Variants in SORCS2 observed in about 807,000 individuals in gnomAD.
The protein encoded by SORCS2 is VPS10 domain-containing receptor SorCS2.
SORCS2 carries 100 observed loss-of-function variants against 141.6 expected under a neutral mutation model. The observed-to-expected ratio is 0.71, with a 90% CI of 0.60 to 0.83. The LOEUF is 0.83. Ranked by LOEUF, SORCS2 falls within the 40% of genes least tolerant of loss-of-function variation. SORCS2 has a pLI of 0.00. For synonymous variants in SORCS2, 789 were observed against 676.9 expected (o/e 1.17, Z -2.57); for missense variants, 1,646 against 1,560.2 (o/e 1.05, Z -0.93).
At chr4:7,482,911 C>T (rs187671524) in intron 2 of SORCS2, among the ~76,000 whole-genome samples, 86 of 152,340 alleles carry the variant, frequency 5.6e-4, no homozygotes, top group African/African-American at 1.8e-3. Flanking sequence ...GAAATTCACA[C>T]CACTCAGAAC....
At chr4:7,428,876 G>C (rs57156784) in intron 2 of SORCS2, among the ~76,000 whole-genome samples, 2,671 of 152,230 alleles carry the variant, frequency 0.018, 87 homozygotes, top group African/African-American at 0.061. Context: ...TAGACAGGAG[G>C]GGGTGGTGGC....
intron 1 of SORCS2, among the ~76,000 whole-genome samples, chr4:7,388,013 TACAGATAC>T (rs1723571423): frequency 1.2e-5 from 1 of 86,374 alleles, no homozygotes; most frequent in African/African-American, 5.2e-5. Context: ...TGCACATGCA[TACAGATAC>T]ACAGATACGC....
intron 17 of SORCS2, among the ~76,000 whole-genome samples, chr4:7,717,181 C>T (rs939554481): frequency 6.6e-6 from 1 of 152,188 alleles, no homozygotes; most frequent in Admixed American, 6.5e-5. Flanking sequence ...GCCACACCCG[C>T]TCCTCCTCCA....
chr4:7,723,916 ACT>A, intron 19 of SORCS2, 33 bp downstream of exon 19: 1 of 1,555,002 alleles, frequency 6.4e-7, no homozygotes, highest in Non-Finnish European at 8.7e-7. Flanking sequence ...GCCAAAGGTC[ACT>A]CCCTTTGAGA....
intron 14 of SORCS2, among the ~76,000 whole-genome samples, chr4:7,708,997 C>A (rs925347221): frequency 1.3e-5 from 2 of 152,214 alleles, no homozygotes; most frequent in Non-Finnish European, 2.9e-5. Context: ...TCTCGTGCCC[C>A]CGGAGGCCGT....
chr4:7,617,246 CATCT>C (rs1257996166), intron 3 of SORCS2, among the ~76,000 whole-genome samples: 2 of 152,116 alleles, frequency 1.3e-5, no homozygotes, highest in East Asian at 1.9e-4. Flanking sequence ...CCCATCCATC[CATCT>C]ATCTATACAC....
intron 2 of SORCS2, among the ~76,000 whole-genome samples, chr4:7,396,795 G>A (rs1370410494): frequency 6.6e-6 from 1 of 152,154 alleles, no homozygotes; most frequent in African/African-American, 2.4e-5. Context: ...AAAGAGCTTG[G>A]TAAATAAATA....
chr4:7,548,170 T>A (rs1443708759), intron 3 of SORCS2, among the ~76,000 whole-genome samples: 1 of 152,150 alleles, frequency 6.6e-6, no homozygotes, highest in Non-Finnish European at 1.5e-5. Flanking sequence ...CTCCAACACA[T>A]ATTACCAACC....
In SORCS2 at chr4:7,741,092, T is replaced by C; in HGVS notation, c.*828T>C. ...CATCCCGCAGGCTTCTCCCACCTGA[T>C]GGCTGTTCTCCCACCGGGTCTGGGC... On this transcript the variant is annotated 3_prime_UTR_variant, in exon 27 of 27. Coordinates refer to ENST00000507866, the MANE Select transcript of SORCS2 (RefSeq NM_020777.3). 1 of 398,738 alleles carries C rather than the reference T, an allele frequency of 2.5e-6. No individual in the cohort carries two copies. Among genetic ancestry groups the C allele is most frequent in the Non-Finnish European group, 4.4e-6 (1 of 226,184 alleles). The allele number at this position is 398,738 out of a possible 1,614,324, so 24.7% of individuals were successfully genotyped here. A position where few individuals can be genotyped will look rare whatever the true frequency, so the allele number is the denominator to read the frequency against.
chr4:7,579,919 G>A (rs564741498), intron 3 of SORCS2, among the ~76,000 whole-genome samples: 2 of 152,272 alleles, frequency 1.3e-5, no homozygotes, highest in Admixed American at 6.5e-5. Flanking sequence ...GTTAAGAGCT[G>A]GCATGATGTG....
At chr4:7,219,902 C>A (rs955501339) in intron 1 of SORCS2, among the ~76,000 whole-genome samples, 1 of 152,216 alleles carries the variant, frequency 6.6e-6, no homozygotes, top group African/African-American at 2.4e-5. Context: ...CACACTTGCA[C>A]CCCTGTCTTC....
Position 7,704,260 on chromosome 4 carries a change from CAG to C in SORCS2, c.1845_1846del (p.Asp617ArgfsTer96). The C allele has an allele frequency of 6.2e-7, 1 of 1,612,286 alleles. No homozygotes were observed. Among genetic ancestry groups the C allele is most frequent in the South Asian group, 1.1e-5 (1 of 90,452 alleles). ...TTTGTGGACGGGCTGCTGAGTGAGC[CAG>C]GGGACGAGACGCTGGTCATGACGTG... On this transcript the variant is annotated frameshift_variant, in exon 14 of 27. Transcript: ENST00000507866. LOFTEE classifies it high-confidence loss of function.
intron 2 of SORCS2, among the ~76,000 whole-genome samples, chr4:7,461,018 G>A (rs1161970543): frequency 2.0e-5 from 3 of 152,246 alleles, no homozygotes; most frequent in East Asian, 1.9e-4. Flanking sequence ...TGCCCGGGGA[G>A]TGTCAGAAAT....
At chr4:7,728,568 G>GCC in intron 22 of SORCS2, 106 bp downstream of exon 22, 1 of 725,588 alleles carries the variant, frequency 1.4e-6, no homozygotes, top group South Asian at 1.9e-5. Context: ...GGGTGGCACT[G>GCC]CCCCCGCACA....
Position 7,359,617 on chromosome 4 carries a change from G to A in SORCS2, c.481-36671G>A, listed in dbSNP as rs537832570. Among the ~76,000 whole-genome samples, 377 of 152,270 alleles carry A rather than the reference G, an allele frequency of 2.5e-3. 1 individual carries two copies. Among genetic ancestry groups the A allele is most frequent in the African/African-American group, 8.4e-3 (351 of 41,556 alleles). On this transcript the variant is annotated intron_variant, in intron 1 of 26. Coordinates refer to ENST00000507866, the MANE Select transcript of SORCS2 (RefSeq NM_020777.3). ...TCCAACGATTCGCTCCCAAGATCCC[G>A]GCAGCTGGCAGCCAATGCATTCTGT... is the stretch of plus-strand genomic sequence containing the variant.
chr4:7,367,217 C>G (rs971768947), intron 1 of SORCS2, among the ~76,000 whole-genome samples: 3 of 152,198 alleles, frequency 2.0e-5, no homozygotes, highest in African/African-American at 4.8e-5. Flanking sequence ...ACTTGGCCAT[C>G]CTTGGAACAC....
At chr4:7,640,572 A>T (rs761823611) in intron 4 of SORCS2, among the ~76,000 whole-genome samples, 5 of 151,418 alleles carry the variant, frequency 3.3e-5, no homozygotes, top group Non-Finnish European at 7.4e-5. Context: ...GCTTTCTGTA[A>T]GGACTCGGGC....
chr4:7,220,377 C>G (rs995420208), intron 1 of SORCS2, among the ~76,000 whole-genome samples: 4 of 152,144 alleles, frequency 2.6e-5, no homozygotes, highest in Non-Finnish European at 5.9e-5. Flanking sequence ...TCGTCTGAGT[C>G]TTCTCTGCAC....
chr4:7,472,834 C>T (rs1378776954), intron 2 of SORCS2, among the ~76,000 whole-genome samples: 3 of 151,856 alleles, frequency 2.0e-5, no homozygotes, highest in African/African-American at 4.8e-5. Context: ...GGGGCGAGGG[C>T]GGAATTAACA....
Sources: gnomAD v4.1 joint callset for allele counts (sites outside exome capture counted in the v4.1 genomes callset) on GRCh38, gnomAD v4.1.1 for gene constraint, MANE v1.5 for transcripts, NCBI Gene and HGNC (gene_info 2026-07-23, HGNC 2026-07-21) for gene names.